NRXN1: variants seen among roughly 807,000 people sequenced by gnomAD.
The protein encoded by NRXN1 is neurexin-1.
Under a neutral mutation model 150.9 loss-of-function variants are expected in NRXN1, and 39 were observed. That is an observed-to-expected ratio of 0.26 (90% confidence interval 0.20 to 0.34). The LOEUF is 0.34. NRXN1 is among the 10% of genes least tolerant of loss of function. NRXN1 has a pLI of 1.00. For synonymous variants in NRXN1, 924 were observed against 757.0 expected (o/e 1.22, Z -3.62); for missense variants, 1,815 against 1,949.9 (o/e 0.93, Z 1.30).
chr2:50,691,201 T>A (rs1692023484), intron 5 of NRXN1, among the ~76,000 whole-genome samples: 1 of 152,152 alleles, frequency 6.6e-6, no homozygotes, highest in Non-Finnish European at 1.5e-5. Context: ...TGATTAGAAG[T>A]AAAATTTCTT....
intron 5 of NRXN1, among the ~76,000 whole-genome samples, chr2:50,645,623 GAT>G (rs555318439): frequency 1.0e-3 from 156 of 152,072 alleles, no homozygotes; most frequent in Non-Finnish European, 1.6e-3. Context: ...GCATTCAACA[GAT>G]ATCTGTTGAA....
chr2:50,694,667 C>T (rs1244425834), intron 5 of NRXN1, among the ~76,000 whole-genome samples: 1 of 152,078 alleles, frequency 6.6e-6, no homozygotes, highest in African/African-American at 2.4e-5. Context: ...ACCAATTCTA[C>T]CAAAGAACAA....
At chr2:50,583,869 T>C (rs1314746547) in intron 8 of NRXN1, among the ~76,000 whole-genome samples, 2 of 152,210 alleles carry the variant, frequency 1.3e-5, no homozygotes, top group Admixed American at 1.3e-4. Context: ...ATAAAATTAT[T>C]ACAAGTATCT....
chr2:50,677,131 T>G (rs1689660704), intron 5 of NRXN1, among the ~76,000 whole-genome samples: 1 of 152,166 alleles, frequency 6.6e-6, no homozygotes, highest in Non-Finnish European at 1.5e-5. Context: ...TTTACTCTTT[T>G]GAAACATTAT....
At chr2:50,026,692 C>G (rs774117792) in intron 21 of NRXN1, among the ~76,000 whole-genome samples, 21 of 151,784 alleles carry the variant, frequency 1.4e-4, no homozygotes, top group Non-Finnish European at 3.1e-4. Context: ...ATATTTTTAT[C>G]CCAGGGAAGT....
chr2:50,591,822 G>A (rs565501046), intron 8 of NRXN1, among the ~76,000 whole-genome samples: 11 of 152,310 alleles, frequency 7.2e-5, no homozygotes, highest in Non-Finnish European at 1.5e-4. Flanking sequence ...CAAGTTAGGC[G>A]CCCTTCAGCG....
intron 21 of NRXN1, among the ~76,000 whole-genome samples, chr2:50,011,479 C>A (rs10495994): frequency 0.47 from 71,067 of 151,904 alleles, 17,244 homozygotes; most frequent in Middle Eastern, 0.61. Flanking sequence ...TGAGGACAAA[C>A]ATTAAATCAG....
chr2:50,648,316 T>A (rs1685113124), intron 5 of NRXN1, among the ~76,000 whole-genome samples: 1 of 152,024 alleles, frequency 6.6e-6, no homozygotes, highest in African/African-American at 2.4e-5. Context: ...GAGAAAGTAT[T>A]TTCCATCATG....
intron 18 of NRXN1, among the ~76,000 whole-genome samples, chr2:50,131,469 T>C (rs1705484911): frequency 6.6e-6 from 1 of 152,190 alleles, no homozygotes; most frequent in Non-Finnish European, 1.5e-5. Context: ...TTAGGAGGTT[T>C]AACTGTCATT....
intron 5 of NRXN1, among the ~76,000 whole-genome samples, chr2:50,671,063 C>T (rs967284083): frequency 6.6e-6 from 1 of 151,802 alleles, no homozygotes; most frequent in African/African-American, 2.4e-5. Context: ...ATCTGTGGAG[C>T]TTATCTGCTT....
At chr2:50,691,232 A>C (rs531488934) in intron 5 of NRXN1, among the ~76,000 whole-genome samples, 2 of 152,268 alleles carry the variant, frequency 1.3e-5, no homozygotes, top group Non-Finnish European at 2.9e-5. Context: ...TAAACAGAAA[A>C]ATAAAGGAGG....
At chr2:50,089,302 G>T (rs1198390712) in intron 19 of NRXN1, among the ~76,000 whole-genome samples, 1 of 152,122 alleles carries the variant, frequency 6.6e-6, no homozygotes, top group Non-Finnish European at 1.5e-5. Context: ...CATTTTGCAC[G>T]TTCAGGTCCA....
At chr2:50,531,980 G>A (rs2093128165) in intron 10 of NRXN1, among the ~76,000 whole-genome samples, 1 of 151,916 alleles carries the variant, frequency 6.6e-6, no homozygotes, top group African/African-American at 2.4e-5. Flanking sequence ...TGAGTAGCTG[G>A]GACCACAGGC....
At chr2:50,967,127 T>A (rs1490365788) in intron 2 of NRXN1, among the ~76,000 whole-genome samples, 1 of 151,954 alleles carries the variant, frequency 6.6e-6, no homozygotes, top group African/African-American at 2.4e-5. Context: ...TTCTCCTCCA[T>A]AATATCTTCC....
intron 17 of NRXN1, among the ~76,000 whole-genome samples, chr2:50,328,453 T>C (rs1323660385): frequency 2.6e-5 from 4 of 151,952 alleles, no homozygotes; most frequent in Non-Finnish European, 4.4e-5. Flanking sequence ...ATTGGAAACT[T>C]CGGTTGGGTG....
chr2:50,120,944 G>A (rs1703767337), intron 18 of NRXN1, among the ~76,000 whole-genome samples: 2 of 152,162 alleles, frequency 1.3e-5, no homozygotes, highest in Non-Finnish European at 1.5e-5. Context: ...AACTTAGAGT[G>A]CGATACTAAC....
At chr2:50,170,117 T>G (rs2059936805) in intron 18 of NRXN1, among the ~76,000 whole-genome samples, 2 of 150,930 alleles carry the variant, frequency 1.3e-5, no homozygotes, top group South Asian at 4.2e-4. Flanking sequence ...ATGTTATTTA[T>G]AATACGTCAT....
At chr2:50,424,914 T>C (rs1177777775) in intron 17 of NRXN1, among the ~76,000 whole-genome samples, 1 of 152,226 alleles carries the variant, frequency 6.6e-6, no homozygotes, top group African/African-American at 2.4e-5. Context: ...GAAGCATCCC[T>C]TTCTACCAAT....
chr2:50,412,826 T>A (rs1053059330), intron 17 of NRXN1, among the ~76,000 whole-genome samples: 2 of 152,106 alleles, frequency 1.3e-5, no homozygotes, highest in Admixed American at 1.3e-4. Flanking sequence ...CAAAAACATA[T>A]CCTGGGGAAA....
Sources: allele counts gnomAD v4.1 joint callset (sites outside exome capture counted in the v4.1 genomes callset), GRCh38; gene constraint gnomAD v4.1.1; transcripts MANE v1.5; gene names NCBI Gene and HGNC (gene_info 2026-07-23, HGNC 2026-07-21).